Variants in VPS35 observed in about 807,000 individuals in gnomAD.
VPS35 encodes the protein VPS35 retromer complex component.
A neutral mutation model predicts 98.1 loss-of-function variants in VPS35; 21 were observed. The observed-to-expected ratio is 0.21, with a 90% CI of 0.15 to 0.31. The LOEUF (loss-of-function observed/expected upper bound fraction) is 0.31, where lower values mean the gene tolerates loss of function less well. VPS35 is among the 10% of genes least tolerant of loss of function. VPS35 has a pLI of 1.00. For synonymous variants in VPS35, 268 were observed against 318.2 expected (o/e 0.84, Z 1.68); for missense variants, 554 against 950.8 (o/e 0.58, Z 5.49).
At chr16:46,671,025 G>A (rs539653364) in intron 12 of VPS35, among the ~76,000 whole-genome samples, 39 of 151,610 alleles carry the variant, frequency 2.6e-4, no homozygotes, top group Admixed American at 5.3e-4. Flanking sequence ...ATCTAGTATC[G>A]GTCACTGATA....
Position 46,689,154 on chromosome 16 carries a change from A to G in VPS35, c.-21T>C, listed in dbSNP as rs1034958805. On this transcript the variant is annotated 5_prime_UTR_variant, in exon 1 of 17. Coordinates refer to ENST00000299138, the MANE Select transcript of VPS35 (RefSeq NM_018206.6). ...ACCATGGCGACTCCCCAGAGCCTGC[A>G]GCAAGCAGCACCCGCCCCGCGCGTA... 1.2e-6 allele frequency: 2 copies of G among 1,607,382 alleles called. No homozygotes were observed. The highest frequency in any genetic ancestry group is 1.7e-6 in the Non-Finnish European group (2 of 1,177,954).
At chr16:46,683,975 C>T (rs1256730681) in intron 1 of VPS35, among the ~76,000 whole-genome samples, 3 of 152,208 alleles carry the variant, frequency 2.0e-5, no homozygotes, top group East Asian at 3.8e-4. Context: ...ATTCGCCTGC[C>T]TCGACCTCCC....
intron 13 of VPS35, among the ~76,000 whole-genome samples, chr16:46,667,673 T>A (rs1596713913): frequency 6.6e-6 from 1 of 152,302 alleles, no homozygotes; most frequent in East Asian, 1.9e-4. Context: ...AGGTCTTTAA[T>A]CCATTTTGAG....
At chr16:46,688,993 C>A (rs778222228) in intron 1 of VPS35, 138 bp downstream of exon 1, 1 of 1,542,620 alleles carries the variant, frequency 6.5e-7, no homozygotes, top group East Asian at 2.4e-5. Flanking sequence ...TCCCCTATCC[C>A]GCAGGCCAAA....
At chr16:46,677,495 T>C in intron 6 of VPS35, 97 bp from the exon 7 acceptor site, 1 of 1,022,550 alleles carries the variant, frequency 9.8e-7, no homozygotes, top group South Asian at 1.3e-5. Flanking sequence ...TTGAAAATCG[T>C]ATTTGAGATT....
At chr16:46,686,153 C>T (rs1426583994) in intron 1 of VPS35, among the ~76,000 whole-genome samples, 1 of 152,070 alleles carries the variant, frequency 6.6e-6, no homozygotes, top group Non-Finnish European at 1.5e-5. Context: ...TTTTATGTCT[C>T]GCTTATTTCA....
rs755770851 is a variant in VPS35, at chr16:46,660,552, G to C, written c.2311C>G (p.His771Asp). The part of the protein sequence containing the change: ...EETEQINKHF[H>D]NTLEHLRLRR... ...AAGCGCAAATGCTCCAGTGTGTTAT[G>C]AAAATGTTTGTTAATCTGCTCTGTT... The change falls in exon 17 of 17, where the codon CAT (histidine) becomes GAT (aspartate). Residue 771 changes from histidine (H) to aspartate (D), a missense_variant. This residue lies in a region of VPS35 where 153 missense variants were observed against 211.0 expected (regional missense o/e 0.73). Transcript: ENST00000299138. The C allele has an allele frequency of 3.7e-6, 6 of 1,614,080 alleles. No individual in the cohort carries two copies. In the South Asian group the frequency reaches 6.6e-5, roughly 18 times the overall value.
At chr16:46,688,994 G>A in intron 1 of VPS35, 137 bp downstream of exon 1, 10 of 1,542,290 alleles carry the variant, frequency 6.5e-6, no homozygotes, top group Non-Finnish European at 8.8e-6. Flanking sequence ...CCCCTATCCC[G>A]CAGGCCAAAT....
At chr16:46,689,009 C>A in intron 1 of VPS35, 122 bp downstream of exon 1, 1 of 1,549,622 alleles carries the variant, frequency 6.5e-7, no homozygotes, top group Non-Finnish European at 8.7e-7. Flanking sequence ...CCAAATCGGG[C>A]TGGTCTTAAT....
chr16:46,674,773 G>A (rs1282127760), intron 8 of VPS35, 113 bp from the exon 9 acceptor site: 9 of 1,086,222 alleles, frequency 8.3e-6, no homozygotes, highest in Non-Finnish European at 1.1e-5. Flanking sequence ...GAGCCCAAAA[G>A]GTTTTTGTTT....
chr16:46,674,438 C>T lies in VPS35; in HGVS notation c.1036G>A (p.Asp346Asn). The T allele has an allele frequency of 1.9e-6, 3 of 1,613,296 alleles. No individual in the cohort carries two copies. Among genetic ancestry groups the T allele is most frequent in the Non-Finnish European group, 2.5e-6 (3 of 1,179,578 alleles). ...AGAGAGACTTGTAAAGATACAACAT[C>T]CTCTGAAGGCATGTCTTGTCTAGAC... Reference protein sequence around the residue: ...IQSRQDMPSEDVVSLQVSLIN... With the variant: ...IQSRQDMPSENVVSLQVSLIN... The change falls in exon 10 of 17, where the codon GAT becomes AAT. Residue 346 changes from aspartate (D) to asparagine (N), a missense_variant. Transcript: ENST00000299138.
intron 8 of VPS35, among the ~76,000 whole-genome samples, chr16:46,675,839 C>T (rs548040319): frequency 1.3e-5 from 2 of 151,808 alleles, no homozygotes; most frequent in African/African-American, 2.4e-5. Flanking sequence ...CTGAGGCAGG[C>T]AGATCATTTG....
At position 46,681,435 on chromosome 16, in the gene VPS35, T is replaced by A; in HGVS notation, c.265A>T (p.Arg89Trp). ...AGTTCGTAGAGATCTGCCACTTTCC[T>A]TCCTTTAGCAAACTCATCTGTCAGG... The part of the protein sequence containing the change: ...VYLTDEFAKG[R>W]KVADLYELVQ... Residue 89 changes from arginine (R) to tryptophan (W), a missense_variant, in exon 4 of 17, where the codon AGG (arginine) becomes TGG (tryptophan). Coordinates refer to ENST00000299138, the MANE Select transcript of VPS35 (RefSeq NM_018206.6). 3 of 1,613,778 alleles carry A rather than the reference T, an allele frequency of 1.9e-6. No individual in the cohort carries two copies. The highest frequency in any genetic ancestry group is 2.5e-6 in the Non-Finnish European group (3 of 1,179,774).
chr16:46,659,736 AT>A lies in VPS35; in HGVS notation c.*735del, dbSNP rs1183307752. 1 of 152,180 alleles carries A rather than the reference AT, an allele frequency of 6.6e-6. No individual in the cohort carries two copies. The highest frequency in any genetic ancestry group is 1.5e-5 in the Non-Finnish European group (1 of 68,024). 9.4% of individuals were successfully genotyped at this position (152,180 alleles called of 1,614,324 possible). Reference sequence around the variant, plus strand: ...AAAAAAAAAATCATAATTGTGATGCATTTCCTGCTAAATTTACAATGAAGGT... The same window carrying A: ...AAAAAAAAAATCATAATTGTGATGCATTCCTGCTAAATTTACAATGAAGGT... On this transcript the variant is annotated 3_prime_UTR_variant, in exon 17 of 17. Coordinates refer to ENST00000299138, the MANE Select transcript of VPS35 (RefSeq NM_018206.6).
At chr16:46,685,450 C>T (rs1367788213) in intron 1 of VPS35, among the ~76,000 whole-genome samples, 1 of 152,148 alleles carries the variant, frequency 6.6e-6, no homozygotes, top group Non-Finnish European at 1.5e-5. Context: ...TGAACAACAC[C>T]ATGCATCTCC....
chr16:46,679,200 A>G, intron 5 of VPS35, 44 bp from the exon 6 acceptor site: 1 of 1,485,746 alleles, frequency 6.7e-7, no homozygotes, highest in Non-Finnish European at 9.2e-7. Flanking sequence ...TTACAGGACC[A>G]ACTTACTACT....
At chr16:46,669,177 G>A in intron 12 of VPS35, 125 bp from the exon 13 acceptor site, 1 of 1,235,860 alleles carries the variant, frequency 8.1e-7, no homozygotes, top group Non-Finnish European at 1.2e-6. Flanking sequence ...ATACTTTATG[G>A]TAGGCAATTT....
chr16:46,673,021 A>C (rs1222662336), intron 10 of VPS35, among the ~76,000 whole-genome samples: 3 of 151,818 alleles, frequency 2.0e-5, no homozygotes, highest in African/African-American at 7.3e-5. Context: ...ATTTATTACA[A>C]CCTCTTTAGA....
intron 12 of VPS35, 30 bp downstream of exon 12, chr16:46,671,675 T>C: frequency 1.9e-6 from 3 of 1,613,814 alleles, no homozygotes; most frequent in Non-Finnish European, 2.5e-6. Flanking sequence ...TAGGAGCTGA[T>C]ACAGGGATAT....
Sources: allele counts gnomAD v4.1 joint callset (sites outside exome capture counted in the v4.1 genomes callset), GRCh38; gene constraint gnomAD v4.1.1; regional missense constraint gnomAD v4.1.1; transcripts MANE v1.5; gene names NCBI Gene and HGNC (gene_info 2026-07-23, HGNC 2026-07-21).